The following HSPG2 variants were observed in gnomAD, a reference collection of about 807,000 sequenced individuals.
HSPG2 encodes the protein heparan sulfate proteoglycan 2.
HSPG2 carries 278 observed loss-of-function variants against 526.6 expected under a neutral mutation model. The observed-to-expected ratio is 0.53, with a 90% CI of 0.48 to 0.58. HSPG2 has a LOEUF of 0.58. Among genes scored for constraint, HSPG2 ranks in the 20% least tolerant of loss-of-function variants. HSPG2 has a pLI of 0.00. For missense variants in HSPG2, 5,354 were observed against 6,099.5 expected (o/e 0.88, Z 4.07); for synonymous variants, 2,465 against 2,555.4 (o/e 0.96, Z 1.07).
At chr1:21,851,453 G>T in intron 55 of HSPG2, 93 bp downstream of exon 55, 1 of 1,582,226 alleles carries the variant, frequency 6.3e-7, no homozygotes. Context: ...AGGGCTTCCT[G>T]ATCTCAGGGG....
intron 55 of HSPG2, 43 bp from the exon 56 acceptor site, chr1:21,850,541 C>T (rs1178176737): frequency 6.5e-7 from 1 of 1,549,368 alleles, no homozygotes; most frequent in Non-Finnish European, 8.7e-7. Context: ...CTCAGGAGAC[C>T]CCTGTTCCTA....
chr1:21,835,447 G>A, intron 76 of HSPG2, 93 bp downstream of exon 76: 1 of 828,958 alleles, frequency 1.2e-6, no homozygotes. Context: ...CATTTAGGGG[G>A]ATTCCTAGGG....
rs1639665453 is a variant in HSPG2 at position 21,859,981 on chromosome 1, A to G, written c.5036T>C (p.Val1679Ala). The G allele has an allele frequency of 1.9e-6, 3 of 1,610,566 alleles. No homozygotes were observed. The South Asian group carries it at 3.3e-5, about 18-fold the overall frequency. The change falls in exon 41 of 97, where the codon GTC becomes GCC. Residue 1679 changes from valine to alanine, a missense_variant. Val to Ala is a moderately conservative substitution (Grantham distance 64, BLOSUM62 0). Coordinates refer to ENST00000374695, the MANE Select transcript of HSPG2 (RefSeq NM_005529.7). The surrounding 1 kb of genome is among the most constrained non-coding windows in gnomAD (Gnocchi z 5.3). ...LPETNQAPLV[V>A]EVHPARSIVP... The stretch of plus-strand genomic sequence containing the variant: ...TATGCTTCGAGCAGGATGGACCTCG[A>G]CCACCAGTGGGGCTTGGTTTGCTGG...
At chr1:21,841,041 C>T (rs1294923375) in intron 71 of HSPG2, 60 bp downstream of exon 71, 2 of 1,511,682 alleles carry the variant, frequency 1.3e-6, no homozygotes, top group Non-Finnish European at 1.8e-6. Flanking sequence ...CCTCCAAGCA[C>T]CCGCTCAAGG....
Position 21,893,458 on chromosome 1 carries a change from C to T in HSPG2, c.244+2464G>A, listed in dbSNP as rs779659747. On this transcript the variant is annotated intron_variant, in intron 3 of 96. Transcript: ENST00000374695. This position sits in a 1 kb window ranked among gnomAD's most constrained non-coding sequence, Gnocchi z 4.3. ...GTGCCTCTGAGCCTCTTGTGTGACT[C>T]GCAGCAAAGTGCAGGTTGGGGAGGA... Among the ~76,000 whole-genome samples, 21 of 152,192 alleles carry T rather than the reference C, an allele frequency of 1.4e-4. No homozygotes were observed. The highest frequency in any genetic ancestry group is 6.8e-3 in the Middle Eastern group (2 of 294).
chr1:21,887,415 C>T lies in HSPG2; in HGVS notation c.958+5G>A, dbSNP rs537939062. On this transcript the variant is annotated splice_donor_5th_base_variant and intron_variant, in intron 8 of 96. Transcript: ENST00000374695. This position sits in a 1 kb window ranked among gnomAD's most constrained non-coding sequence, Gnocchi z 5.0. ...GCACCCACCTGCACCCCTGCCGGTG[C>T]GCACCACAGTCTAGCTCATCGCTGC... 3.6e-5 allele frequency: 58 copies of T among 1,613,992 alleles called. No homozygotes were observed. The East Asian group carries it at 1.2e-3, about 32-fold the overall frequency.
rs2098038806 is a variant in HSPG2 at position 21,839,163 on chromosome 1, A to T, written c.9890-78T>A. 3.0e-5 allele frequency: 46 copies of T among 1,529,010 alleles called. No individual in the cohort carries two copies. The highest frequency in any genetic ancestry group is 4.0e-5 in the Non-Finnish European group (45 of 1,131,236). The allele number at this position is 1,529,010 out of a possible 1,614,324, so 94.7% of individuals were successfully genotyped here. A position where few individuals can be genotyped will look rare whatever the true frequency, so the allele number is the denominator to read the frequency against. On this transcript the variant is annotated intron_variant, in intron 73 of 96. Transcript: ENST00000374695. This position sits in a 1 kb window ranked among gnomAD's most constrained non-coding sequence, Gnocchi z 4.5. ...CAGCAGGTCGTTGGATCCAGTGTCCAGGGAAGCTGAATGGTGAGCCCAGAG... is the reference window on the plus strand; with the variant it reads ...CAGCAGGTCGTTGGATCCAGTGTCCTGGGAAGCTGAATGGTGAGCCCAGAG...
In HSPG2 at chr1:21,844,158, G is replaced by C. The variant is rs1349126259; in HGVS notation, c.8606C>G (p.Ala2869Gly). 9.9e-6 allele frequency: 16 copies of C among 1,613,032 alleles called. No homozygotes were observed. Among genetic ancestry groups the C allele is most frequent in the Non-Finnish European group, 1.4e-5 (16 of 1,180,014 alleles). ...CTCCAGCTCCTTTACCTGGTGCCGG[G>C]CAGGGAGGTTTCCTCCACGCTTGTG... ...TWHKRGGNLP[A>G]RHQVHGPLLR... Residue 2869 changes from alanine (A) to glycine (G), a missense_variant, in exon 65 of 97, where the codon GCC becomes GGC. Ala to Gly is a moderately conservative substitution (Grantham distance 60, BLOSUM62 0). Transcript: ENST00000374695.
Position 21,839,934 on chromosome 1 carries a change from C to G in HSPG2, c.9597G>C (p.Glu3199Asp). 1 of 1,614,216 alleles carries G rather than the reference C, an allele frequency of 6.2e-7. No homozygotes were observed. The highest frequency in any genetic ancestry group is 2.2e-5 in the East Asian group (1 of 44,872). Reference sequence around the variant, plus strand: ...CCATGGCGCCCGTGTCCACGATCACCTCCACCTGCTTCTGTGCTGTGCCTA... The same window carrying G: ...CCATGGCGCCCGTGTCCACGATCACGTCCACCTGCTTCTGTGCTGTGCCTA... ...NALGTAQKQV[E>D]VIVDTGAMAP... Residue 3199 changes from glutamate to aspartate, a missense_variant, in exon 72 of 97, where the codon GAG (glutamate) becomes GAC (aspartate). Glu to Asp is a conservative substitution (Grantham distance 45). Coordinates refer to ENST00000374695, the MANE Select transcript of HSPG2 (RefSeq NM_005529.7). This position sits in a 1 kb window ranked among gnomAD's most constrained non-coding sequence, Gnocchi z 4.5.
chr1:21,888,330 A>T (rs917977273), intron 6 of HSPG2, among the ~76,000 whole-genome samples: 2 of 152,158 alleles, frequency 1.3e-5, no homozygotes, highest in African/African-American at 2.4e-5. Context: ...ACCACACCAC[A>T]CACATGCAGG....
chr1:21,927,715 C>T (rs1644242618), intron 1 of HSPG2, among the ~76,000 whole-genome samples: 1 of 152,210 alleles, frequency 6.6e-6, no homozygotes, highest in Admixed American at 6.5e-5. Flanking sequence ...CTCCTTCTCC[C>T]AGTCCAGGAA....
At chr1:21,891,004 C>T (rs1572381457) in intron 3 of HSPG2, among the ~76,000 whole-genome samples, 1 of 152,228 alleles carries the variant, frequency 6.6e-6, no homozygotes, top group African/African-American at 2.4e-5. Context: ...GGGTGGCTCC[C>T]AGAGGGAGTT....
chr1:21,861,634 G>A (rs1639796524), intron 39 of HSPG2, 123 bp downstream of exon 39: 1 of 917,648 alleles, frequency 1.1e-6, no homozygotes, highest in African/African-American at 1.6e-5. Flanking sequence ...TCTTAGAAGT[G>A]TTTGAGGCAG....
intron 76 of HSPG2, chr1:21,835,170 G>T: frequency 6.2e-6 from 4 of 645,448 alleles, no homozygotes; most frequent in Non-Finnish European, 1.1e-5. Flanking sequence ...AAGGGTCTTG[G>T]TTGTATTCAC....
At position 21,832,517 on chromosome 1, in the gene HSPG2, C is replaced by T. The variant is rs142598196; in HGVS notation, c.11185G>A (p.Val3729Met). 63 of 1,614,020 alleles carry T rather than the reference C, an allele frequency of 3.9e-5. No homozygotes were observed. In the African/African-American group the frequency reaches 5.2e-4, roughly 13 times the overall value. ...CACCGGAACTCGGGCCTTCCCCCCA[C>T]GAGGCCGAAGGAGATGAAGTCGGGC... is the stretch of plus-strand genomic sequence containing the variant. Reference protein sequence around the residue: ...RQPDFISFGLVGGRPEFRFDA... With the variant: ...RQPDFISFGLMGGRPEFRFDA... Residue 3729 changes from valine (V) to methionine (M), a missense_variant, in exon 81 of 97, where the codon GTG becomes ATG. Val to Met is a conservative substitution (Grantham distance 21). Transcript: ENST00000374695.
intron 1 of HSPG2, among the ~76,000 whole-genome samples, chr1:21,922,369 C>CTAA (rs1237953318): frequency 6.6e-6 from 1 of 152,214 alleles, no homozygotes; most frequent in Non-Finnish European, 1.5e-5. Flanking sequence ...TGGACGGGAG[C>CTAA]TAACAGCCAC....
intron 57 of HSPG2, among the ~76,000 whole-genome samples, chr1:21,849,521 A>G (rs1184644287): frequency 6.6e-6 from 1 of 152,252 alleles, no homozygotes; most frequent in Non-Finnish European, 1.5e-5. Context: ...AGATGCATCT[A>G]CAATGAATAA....
intron 1 of HSPG2, among the ~76,000 whole-genome samples, 169 bp from the exon 2 acceptor site, chr1:21,896,479 T>G (rs566692073): frequency 6.6e-6 from 1 of 152,154 alleles, no homozygotes; most frequent in Admixed American, 6.5e-5. Context: ...CCCTTTTGAT[T>G]CAGTTTCCCC....
chr1:21,853,100 G>T, intron 50 of HSPG2, 30 bp from the exon 51 acceptor site: 1 of 1,612,946 alleles, frequency 6.2e-7, no homozygotes. Flanking sequence ...TCAGAGGCCT[G>T]AACTCTTGGG....
Sources: gnomAD v4.1 joint callset for allele counts (sites outside exome capture counted in the v4.1 genomes callset) on GRCh38, gnomAD v4.1.1 for gene constraint, Gnocchi (gnomAD v3.1) non-coding constraint, MANE v1.5 for transcripts, NCBI Gene and HGNC (gene_info 2026-07-23, HGNC 2026-07-21) for gene names.